Variants in PATJ observed in about 807,000 individuals in gnomAD.
PATJ encodes the protein PATJ crumbs cell polarity complex component.
A neutral mutation model predicts 224.9 loss-of-function variants in PATJ; 190 were observed. The ratio of observed to expected loss-of-function variants is 0.84; its 90% confidence interval spans 0.75 to 0.95. The LOEUF (loss-of-function observed/expected upper bound fraction) is 0.95, where lower values mean the gene tolerates loss of function less well. PATJ is among the 40% of genes least tolerant of loss of function. The pLI is 0.00. For missense variants in PATJ, 2,121 were observed against 2,270.3 expected (o/e 0.93, Z 1.34); for synonymous variants, 769 against 820.3 (o/e 0.94, Z 1.07).
At chr1:61,780,669 TC>T (rs1647202214) in intron 7 of PATJ, among the ~76,000 whole-genome samples, 1 of 151,184 alleles carries the variant, frequency 6.6e-6, no homozygotes, top group Non-Finnish European at 1.5e-5. Context: ...TTTTTTTTTT[TC>T]CAAAATGCAA....
chr1:62,037,027 G>T (rs961157084), intron 29 of PATJ, among the ~76,000 whole-genome samples: 1 of 152,080 alleles, frequency 6.6e-6, no homozygotes, highest in Non-Finnish European at 1.5e-5. Context: ...GAAAAGTAAA[G>T]CATAAAATGG....
intron 31 of PATJ, among the ~76,000 whole-genome samples, chr1:62,063,701 C>T (rs1227145092): frequency 6.6e-6 from 1 of 152,128 alleles, no homozygotes; most frequent in African/African-American, 2.4e-5. Flanking sequence ...TTTTGTAGTT[C>T]TCCTTATAGA....
At chr1:61,798,646 C>A (rs1405290054) in intron 11 of PATJ, among the ~76,000 whole-genome samples, 1 of 152,092 alleles carries the variant, frequency 6.6e-6, no homozygotes, top group East Asian at 1.9e-4. Context: ...AATTCCAGCA[C>A]TTCTGGAGGC....
chr1:62,147,166 G>GATGGGATGGGAT (rs1247373491), intron 41 of PATJ, among the ~76,000 whole-genome samples: 2 of 152,134 alleles, frequency 1.3e-5, no homozygotes, highest in South Asian at 2.1e-4. Context: ...TCATGAGATG[G>GATGGGATGGGAT]ATGGGATGGG....
chr1:61,917,188 C>A (rs914524520), intron 26 of PATJ, among the ~76,000 whole-genome samples: 1 of 152,106 alleles, frequency 6.6e-6, no homozygotes, highest in Non-Finnish European at 1.5e-5. Flanking sequence ...CATCTTTGTT[C>A]CAAAGTTTAA....
chr1:61,902,406 G>A (rs1310592489), intron 24 of PATJ, among the ~76,000 whole-genome samples: 4 of 151,884 alleles, frequency 2.6e-5, no homozygotes. Context: ...AGCTGTGATA[G>A]AATACAAAGA....
intron 27 of PATJ, among the ~76,000 whole-genome samples, chr1:61,946,296 T>A (rs1678692516): frequency 6.6e-6 from 1 of 151,820 alleles, no homozygotes; most frequent in Non-Finnish European, 1.5e-5. Flanking sequence ...TTTGAAAAGA[T>A]CAACAAAATT....
intron 29 of PATJ, among the ~76,000 whole-genome samples, chr1:62,026,543 T>G (rs1332630): frequency 0.46 from 69,310 of 151,352 alleles, 16,611 homozygotes; most frequent in African/African-American, 0.61. Context: ...ATTGTAGTTG[T>G]AATCATTTTA....
chr1:61,981,986 C>T (rs1367441828), intron 27 of PATJ, among the ~76,000 whole-genome samples: 1 of 152,016 alleles, frequency 6.6e-6, no homozygotes, highest in Non-Finnish European at 1.5e-5. Flanking sequence ...GATTCTTGTG[C>T]ATCTCTGTAT....
chr1:61,825,724 C>T (rs1165380106), intron 15 of PATJ, among the ~76,000 whole-genome samples: 1 of 152,030 alleles, frequency 6.6e-6, no homozygotes, highest in African/African-American at 2.4e-5. Flanking sequence ...TAATTGGAGA[C>T]AATTCAAATG....
At chr1:61,983,625 T>C (rs1305081280) in intron 27 of PATJ, among the ~76,000 whole-genome samples, 1 of 152,178 alleles carries the variant, frequency 6.6e-6, no homozygotes, top group African/African-American at 2.4e-5. Context: ...GTCCTAGCAA[T>C]TGAAGAGGAT....
At chr1:62,083,247 C>T (rs914478830) in intron 32 of PATJ, among the ~76,000 whole-genome samples, 3 of 152,160 alleles carry the variant, frequency 2.0e-5, no homozygotes, top group African/African-American at 7.2e-5. Flanking sequence ...GCCTTAGTCT[C>T]CTGAGTAGCT....
chr1:62,147,931 C>A (rs781453245), intron 41 of PATJ, among the ~76,000 whole-genome samples: 3 of 151,580 alleles, frequency 2.0e-5, no homozygotes, highest in Non-Finnish European at 4.4e-5. Context: ...CCATTGCACT[C>A]CAGCCTGGGT....
intron 43 of PATJ, 65 bp downstream of exon 43, chr1:62,153,546 G>A: frequency 9.6e-7 from 1 of 1,042,702 alleles, no homozygotes; most frequent in Non-Finnish European, 1.2e-6. Context: ...TCTTTTAAGT[G>A]CTTTGCTTTG....
chr1:62,151,887 T>G (rs2149043143), intron 42 of PATJ, among the ~76,000 whole-genome samples: 1 of 152,316 alleles, frequency 6.6e-6, no homozygotes, highest in South Asian at 2.1e-4. Context: ...TCACCTAAAC[T>G]TAGATTAAGA....
In PATJ at chr1:62,051,088, A is replaced by G. The variant is rs374588735; in HGVS notation, c.4125+30A>G. 4.8e-5 allele frequency: 72 copies of G among 1,510,802 alleles called. No individual in the cohort carries two copies. The African/African-American group carries it at 7.0e-4, about 15-fold the overall frequency. The allele number at this position is 1,510,802 out of a possible 1,614,324, so 93.6% of individuals were successfully genotyped here. ...GAATCTTGAGTATTTTTCATCCTGT[A>G]TTCTGTTTAGGGATGTATCACTTAT... is the stretch of plus-strand genomic sequence containing the variant. On this transcript the variant is annotated intron_variant, in intron 31 of 43. Coordinates refer to ENST00000642238, the MANE Select transcript of PATJ (RefSeq NM_001350145.3).
At chr1:62,011,072 G>A (rs1181480550) in intron 28 of PATJ, among the ~76,000 whole-genome samples, 1 of 152,184 alleles carries the variant, frequency 6.6e-6, no homozygotes, top group Admixed American at 6.5e-5. Context: ...AGAGAATGTT[G>A]TGGCTGATTC....
At chr1:61,777,906 G>A (rs1014777585) in intron 7 of PATJ, among the ~76,000 whole-genome samples, 2 of 151,418 alleles carry the variant, frequency 1.3e-5, no homozygotes, top group African/African-American at 4.9e-5. Context: ...TTGAGACAGG[G>A]TCTCACTCTG....
chr1:61,828,424 G>GAT (rs1246848682), intron 16 of PATJ, among the ~76,000 whole-genome samples: 1 of 147,958 alleles, frequency 6.8e-6, no homozygotes, highest in Non-Finnish European at 1.5e-5. Context: ...TTTGAAACAG[G>GAT]ATCTCCCCAG....
Sources: allele counts gnomAD v4.1 joint callset (sites outside exome capture counted in the v4.1 genomes callset), GRCh38; gene constraint gnomAD v4.1.1; transcripts MANE v1.5; gene names NCBI Gene and HGNC (gene_info 2026-07-23, HGNC 2026-07-21).